The following SPAG16 variants were observed in gnomAD, a reference collection of about 807,000 sequenced individuals.
The protein encoded by SPAG16 is sperm-associated antigen 16 protein.
SPAG16 carries 86 observed loss-of-function variants against 80.4 expected under a neutral mutation model. That is an observed-to-expected ratio of 1.07 (90% CI 0.90 to 1.28). The LOEUF is 1.28. Among genes scored for constraint, SPAG16 ranks in the 50% most tolerant of loss-of-function variants. SPAG16 has a pLI of 0.00. For missense variants in SPAG16, 870 were observed against 765.3 expected (o/e 1.14, Z -1.61); for synonymous variants, 294 against 265.9 (o/e 1.11, Z -1.03).
chr2:214,108,480 C>CACACACACACACACA (rs56781283), intron 14 of SPAG16, among the ~76,000 whole-genome samples: 110 of 52,542 alleles, frequency 2.1e-3, no homozygotes, highest in African/African-American at 5.0e-3. Flanking sequence ...CACACACACA[C>CACACACACACACACA]CCCCACACAC....
At chr2:213,364,641 A>G (rs950338031) in intron 8 of SPAG16, 2 of 152,282 alleles carry the variant, frequency 1.3e-5, no homozygotes, top group African/African-American at 4.8e-5. Context: ...CAGCTTTTGA[A>G]GCCACTGGAA....
intron 10 of SPAG16, among the ~76,000 whole-genome samples, chr2:213,833,445 ATATATATAT>A (rs1559505421): frequency 3.9e-4 from 1 of 2,538 alleles, no homozygotes; most frequent in Non-Finnish European, 4.8e-3. Context: ...GTGTGTGTAT[ATATATATAT>A]TATATATATA....
At chr2:213,993,560 C>T (rs75520583) in intron 12 of SPAG16, among the ~76,000 whole-genome samples, 4,824 of 152,172 alleles carry the variant, frequency 0.032, 243 homozygotes, top group African/African-American at 0.11. Flanking sequence ...GGCCAAAAAA[C>T]AAGGGATATG....
At chr2:214,089,593 T>G (rs1312911184) in intron 13 of SPAG16, among the ~76,000 whole-genome samples, 1 of 151,960 alleles carries the variant, frequency 6.6e-6, no homozygotes, top group Non-Finnish European at 1.5e-5. Context: ...ATCTACAAAT[T>G]TTGCCTCTCA....
intron 10 of SPAG16, among the ~76,000 whole-genome samples, chr2:213,661,680 T>G (rs1223951624): frequency 6.6e-6 from 1 of 152,220 alleles, no homozygotes; most frequent in Non-Finnish European, 1.5e-5. Flanking sequence ...ATTTCCTTCA[T>G]CACTCATTTT....
intron 8 of SPAG16, among the ~76,000 whole-genome samples, chr2:213,371,669 G>A (rs7609021): frequency 1.1e-4 from 17 of 151,100 alleles, no homozygotes; most frequent in Admixed American, 1.1e-3. Context: ...ACAACAAATT[G>A]ATTGTCATTT....
At chr2:213,841,879 C>G (rs1013855239) in intron 10 of SPAG16, among the ~76,000 whole-genome samples, 2 of 152,012 alleles carry the variant, frequency 1.3e-5, no homozygotes, top group Admixed American at 1.3e-4. Context: ...TGAATCTCTA[C>G]ATTCTTTAGG....
Position 213,522,300 on chromosome 2 carries a change from A to G in SPAG16, c.1070+32210A>G, listed in dbSNP as rs577246742. The stretch of plus-strand genomic sequence containing the variant: ...ATTCGAAAGCTTTATTGACAAATCA[A>G]GGTATTTCACATGAGACAATATATT... On this transcript the variant is annotated intron_variant, in intron 10 of 15. Transcript: ENST00000331683. 2.2e-3 allele frequency among the ~76,000 whole-genome samples: 328 copies of G among 152,354 alleles called. 2 individuals are homozygous for G. The highest frequency in any genetic ancestry group is 7.5e-3 in the African/African-American group (311 of 41,592).
intron 10 of SPAG16, among the ~76,000 whole-genome samples, chr2:213,743,842 C>CAA (rs1268567611): frequency 1.3e-5 from 2 of 152,068 alleles, no homozygotes; most frequent in Non-Finnish European, 2.9e-5. Context: ...TCCCATTTTC[C>CAA]CACTGTTCTC....
chr2:213,526,760 T>A (rs2075900634), intron 10 of SPAG16, among the ~76,000 whole-genome samples: 1 of 152,228 alleles, frequency 6.6e-6, no homozygotes, highest in Non-Finnish European at 1.5e-5. Context: ...ATTATTCTGA[T>A]TCATACTTGG....
intron 3 of SPAG16, among the ~76,000 whole-genome samples, chr2:213,298,729 A>T (rs930389939): frequency 6.6e-6 from 1 of 152,220 alleles, no homozygotes; most frequent in Non-Finnish European, 1.5e-5. Context: ...AATATCAGTA[A>T]TTCTTCTTTT....
At chr2:214,378,813 T>A (rs1257185557) in intron 15 of SPAG16, among the ~76,000 whole-genome samples, 1 of 152,226 alleles carries the variant, frequency 6.6e-6, no homozygotes, top group African/African-American at 2.4e-5. Flanking sequence ...AGGGACACTG[T>A]GCCCTCAGTC....
At chr2:213,330,543 G>A (rs58952646) in intron 5 of SPAG16, among the ~76,000 whole-genome samples, 44,094 of 152,116 alleles carry the variant, frequency 0.29, 6,865 homozygotes, top group African/African-American at 0.34. Context: ...CTGTAGCCCC[G>A]TTGTATCTAG....
intron 10 of SPAG16, among the ~76,000 whole-genome samples, chr2:213,593,458 A>G (rs763569846): frequency 6.6e-6 from 1 of 152,136 alleles, no homozygotes; most frequent in Non-Finnish European, 1.5e-5. Context: ...TACTTGCCTT[A>G]TAAGTTAAAA....
chr2:213,726,809 G>T (rs2066789341), intron 10 of SPAG16, among the ~76,000 whole-genome samples: 1 of 152,184 alleles, frequency 6.6e-6, no homozygotes, highest in Admixed American at 6.5e-5. Context: ...GTACTTTTTA[G>T]GGAAATTAGC....
chr2:214,334,710 A>G (rs1039223043), intron 15 of SPAG16, among the ~76,000 whole-genome samples: 4 of 152,226 alleles, frequency 2.6e-5, no homozygotes, highest in Admixed American at 1.3e-4. Flanking sequence ...GAACTGAGAT[A>G]TGCCCTGCCC....
At chr2:213,723,443 T>G (rs899495084) in intron 10 of SPAG16, among the ~76,000 whole-genome samples, 13 of 152,208 alleles carry the variant, frequency 8.5e-5, no homozygotes, top group African/African-American at 3.1e-4. Context: ...TTCTGAAGTC[T>G]GAGGGAAAGA....
chr2:214,077,674 C>T (rs1388990046), intron 13 of SPAG16, among the ~76,000 whole-genome samples: 1 of 152,160 alleles, frequency 6.6e-6, no homozygotes, highest in Non-Finnish European at 1.5e-5. Flanking sequence ...ACCATGAAGG[C>T]GGGTATGGAA....
intron 12 of SPAG16, among the ~76,000 whole-genome samples, chr2:214,007,987 C>T (rs757928758): frequency 5.3e-5 from 8 of 152,112 alleles, no homozygotes; most frequent in Non-Finnish European, 1.0e-4. Context: ...CTTCACCCCT[C>T]TCTGATAACA....
Sources: allele counts gnomAD v4.1 joint callset (sites outside exome capture counted in the v4.1 genomes callset), GRCh38; gene constraint gnomAD v4.1.1; transcripts MANE v1.5; gene names NCBI Gene and HGNC (gene_info 2026-07-23, HGNC 2026-07-21).